Variants in ZNF76 observed in about 807,000 individuals in gnomAD.
The protein encoded by ZNF76 is zinc finger protein 523.
In ZNF76, 66 loss-of-function variants were observed where a neutral mutation model predicts 66.9. That is an observed-to-expected ratio of 0.99 (90% CI 0.81 to 1.21). The LOEUF is 1.21. Ranked by LOEUF, ZNF76 falls within the 50% of genes most tolerant of loss-of-function variation. The pLI is 0.00. For missense variants in ZNF76, 729 were observed against 760.3 expected (o/e 0.96, Z 0.48); for synonymous variants, 275 against 296.1 (o/e 0.93, Z 0.73).
At chr6:35,268,854 C>T (rs1418621493) in intron 1 of ZNF76, among the ~76,000 whole-genome samples, 3 of 152,034 alleles carry the variant, frequency 2.0e-5, no homozygotes, top group Non-Finnish European at 4.4e-5. Context: ...ACAGATGGCC[C>T]TAACCTGTTT....
chr6:35,276,008 A>T (rs1280625299), intron 1 of ZNF76, among the ~76,000 whole-genome samples: 1 of 152,196 alleles, frequency 6.6e-6, no homozygotes, highest in African/African-American at 2.4e-5. Context: ...CTGGCTTTGA[A>T]TTCTGGCTTC....
In ZNF76 at chr6:35,281,105, T is replaced by C; in HGVS notation, c.-47T>C. ...TGACCTCAGCTGTGGCTCTTGGTGC[T>C]GGCCAGAAGCCAACTTCATGTCTGA... On this transcript the variant is annotated 5_prime_UTR_variant, in exon 2 of 14. Transcript: ENST00000373953. 1 of 1,591,762 alleles carries C rather than the reference T, an allele frequency of 6.3e-7. No individual in the cohort carries two copies. The highest frequency in any genetic ancestry group is 8.6e-7 in the Non-Finnish European group (1 of 1,159,778).
rs758339207 is a variant in ZNF76, at chr6:35,293,814, G to A, written c.1393G>A (p.Gly465Ser). The change falls in exon 12 of 14, where the codon GGC becomes AGC. Residue 465 changes from glycine (G) to serine (S), a missense_variant. Transcript: ENST00000373953. ...GSAISMVTQHGSTTLTIPSPD... is the reference protein window; with the variant it reads ...GSAISMVTQHSSTTLTIPSPD... ...TGCCATCAGTATGGTCACCCAGCACGGCAGCACCACCCTCACCATCCCCAG... is the reference window on the plus strand; with the variant it reads ...TGCCATCAGTATGGTCACCCAGCACAGCAGCACCACCCTCACCATCCCCAG... The A allele has an allele frequency of 3.2e-5, 51 of 1,613,966 alleles. No individual in the cohort carries two copies. The Admixed American group carries it at 6.0e-4, about 19-fold the overall frequency.
intron 1 of ZNF76, among the ~76,000 whole-genome samples, chr6:35,262,356 AGTG>A (rs1304744447): frequency 2.6e-5 from 4 of 152,188 alleles, no homozygotes; most frequent in African/African-American, 9.7e-5. Context: ...AGAAAGTGAG[AGTG>A]ACCTTCCTAC....
chr6:35,283,132 C>A (rs1018799236), intron 2 of ZNF76, among the ~76,000 whole-genome samples: 1 of 152,020 alleles, frequency 6.6e-6, no homozygotes, highest in Admixed American at 6.5e-5. Flanking sequence ...AGCAAGTGAC[C>A]ACACCTGACC....
At chr6:35,294,099 A>C (rs1435164817) in intron 12 of ZNF76, 184 bp downstream of exon 12, 14 of 675,208 alleles carry the variant, frequency 2.1e-5, no homozygotes, top group Non-Finnish European at 3.4e-5. Flanking sequence ...AGTTGAATGG[A>C]GGTCAAGAGA....
chr6:35,275,896 AT>A (rs1787825165), intron 1 of ZNF76, among the ~76,000 whole-genome samples: 2 of 152,206 alleles, frequency 1.3e-5, no homozygotes, highest in Admixed American at 1.3e-4. Context: ...GTTAACCCGT[AT>A]TCAAGTGTTT....
chr6:35,276,901 A>G (rs1253308557), intron 1 of ZNF76, among the ~76,000 whole-genome samples: 3 of 148,234 alleles, frequency 2.0e-5, no homozygotes, highest in Non-Finnish European at 4.4e-5. Flanking sequence ...GGTCCAAGCA[A>G]TTCTCCTGCC....
chr6:35,288,244 C>A, intron 5 of ZNF76: 1 of 406,332 alleles, frequency 2.5e-6, no homozygotes, highest in South Asian at 1.9e-5. Context: ...TTCTAGTCCA[C>A]TGAGGTAATT....
chr6:35,266,989 C>T (rs963063275), intron 1 of ZNF76, among the ~76,000 whole-genome samples: 15 of 150,932 alleles, frequency 9.9e-5, no homozygotes, highest in African/African-American at 3.2e-4. Context: ...TTAGTAGAGA[C>T]GGGGTTTCAC....
chr6:35,285,885 T>C (rs1789486553), intron 2 of ZNF76, among the ~76,000 whole-genome samples: 3 of 150,050 alleles, frequency 2.0e-5, no homozygotes, highest in African/African-American at 7.3e-5. Context: ...TTATTCCTCC[T>C]GTTAGTAACT....
chr6:35,267,281 G>T (rs565631031), intron 1 of ZNF76, among the ~76,000 whole-genome samples: 1 of 152,078 alleles, frequency 6.6e-6, no homozygotes, highest in South Asian at 2.1e-4. Flanking sequence ...TGTATTTTTG[G>T]TAGAGAGGGT....
chr6:35,283,314 C>T (rs1047107306), intron 2 of ZNF76, among the ~76,000 whole-genome samples: 1 of 152,208 alleles, frequency 6.6e-6, no homozygotes, highest in African/African-American at 2.4e-5. Flanking sequence ...GGGTAGAGCT[C>T]TCCTTCAGAG....
intron 1 of ZNF76, among the ~76,000 whole-genome samples, chr6:35,278,014 G>A (rs1002645494): frequency 1.3e-5 from 2 of 151,618 alleles, no homozygotes; most frequent in African/African-American, 4.8e-5. Context: ...CGCCCTCCAC[G>A]CCCGGCTAAT....
At position 35,281,171 on chromosome 6, in the gene ZNF76, A is replaced by G. The variant is rs1340111228; in HGVS notation, c.20A>G (p.His7Arg). Reference sequence around the variant, plus strand: ...TTTGCCATGGAGAGCTTGGGGCTGCACACGGTGACCCTTAGTGATGGGACA... The same window carrying G: ...TTTGCCATGGAGAGCTTGGGGCTGCGCACGGTGACCCTTAGTGATGGGACA... MESLGLHTVTLSDGTTA... is the reference protein window; with the variant it reads MESLGLRTVTLSDGTTA... Residue 7 changes from histidine to arginine, a missense_variant, in exon 2 of 14, where the codon CAC becomes CGC. Physicochemically the swap from His to Arg is conservative, Grantham distance 29. Coordinates refer to ENST00000373953, the MANE Select transcript of ZNF76 (RefSeq NM_003427.5). 2 of 1,613,912 alleles carry G rather than the reference A, an allele frequency of 1.2e-6. No individual in the cohort carries two copies. The highest frequency in any genetic ancestry group is 2.7e-5 in the African/African-American group (2 of 74,930).
intron 7 of ZNF76, 163 bp downstream of exon 7, chr6:35,290,879 A>T (rs1790282792): frequency 1.5e-6 from 1 of 680,376 alleles, no homozygotes; most frequent in Non-Finnish European, 2.5e-6. Flanking sequence ...TTGTTACGGG[A>T]GTGCAAGGCA....
At chr6:35,290,426 C>G (rs774619907) in intron 6 of ZNF76, 44 bp downstream of exon 6, 1 of 1,604,978 alleles carries the variant, frequency 6.2e-7, no homozygotes, top group South Asian at 1.1e-5. Flanking sequence ...AGTCTTCCCT[C>G]CCAGGCTGTA....
intron 1 of ZNF76, among the ~76,000 whole-genome samples, chr6:35,271,494 C>A (rs1046415860): frequency 5.9e-5 from 9 of 152,160 alleles, no homozygotes; most frequent in Non-Finnish European, 1.2e-4. Context: ...TATGGCCAAA[C>A]CCCGTCTCTA....
Position 35,295,676 on chromosome 6 carries a change from A to G in ZNF76, c.*428A>G. ...GGAGCAGGCCCTGTCCTGCCCTCCCAGCAATAACCACCTCCCTGGAGGCCA... is the reference window on the plus strand; with the variant it reads ...GGAGCAGGCCCTGTCCTGCCCTCCCGGCAATAACCACCTCCCTGGAGGCCA... On this transcript the variant is annotated 3_prime_UTR_variant, in exon 14 of 14. Coordinates refer to ENST00000373953, the MANE Select transcript of ZNF76 (RefSeq NM_003427.5). The G allele has an allele frequency of 4.7e-6, 1 of 211,620 alleles. No homozygotes were observed. The highest frequency in any genetic ancestry group is 1.1e-4 in the East Asian group (1 of 9,284). The allele number at this position is 211,620 out of a possible 1,614,324, so 13.1% of individuals were successfully genotyped here.
Sources: gnomAD v4.1 joint callset for allele counts (sites outside exome capture counted in the v4.1 genomes callset) on GRCh38, gnomAD v4.1.1 for gene constraint, MANE v1.5 for transcripts, NCBI Gene and HGNC (gene_info 2026-07-23, HGNC 2026-07-21) for gene names.